ZNF160: variants seen among roughly 807,000 people sequenced by gnomAD.
ZNF160 encodes the protein KRAB zinc finger protein KR18.
In ZNF160, 9 loss-of-function variants were observed where a neutral mutation model predicts 13.1. The ratio of observed to expected loss-of-function variants is 0.69; its 90% CI spans 0.41 to 1.20. The LOEUF (loss-of-function observed/expected upper bound fraction) is 1.20, where lower values mean the gene tolerates loss of function less well. Among genes scored for constraint, ZNF160 ranks in the 50% most tolerant of loss-of-function variants. ZNF160 has a pLI of 0.01. For missense variants in ZNF160, 838 were observed against 988.0 expected, an observed-to-expected ratio of 0.85 and a Z score of 2.04; for synonymous variants, 293 against 333.2, an observed-to-expected ratio of 0.88 and a Z score of 1.31.
intron 1 of ZNF160, among the ~76,000 whole-genome samples, chr19:53,102,443 C>T (rs1318846453): frequency 6.6e-6 from 1 of 152,196 alleles, no homozygotes; most frequent in African/African-American, 2.4e-5. Context: ...TCCTCTCCCC[C>T]ACTCTCTGTC....
intron 1 of ZNF160, among the ~76,000 whole-genome samples, chr19:53,092,272 G>A (rs2085063236): frequency 6.6e-6 from 1 of 151,860 alleles, no homozygotes; most frequent in Admixed American, 6.6e-5. Flanking sequence ...TCACCTCAAG[G>A]GTAATTAATT....
intron 1 of ZNF160, among the ~76,000 whole-genome samples, chr19:53,094,318 A>G (rs574573417): frequency 6.6e-6 from 1 of 152,248 alleles, no homozygotes; most frequent in Non-Finnish European, 1.5e-5. Context: ...TGCCTGGCAA[A>G]TAGAAATGGA....
At chr19:53,085,893 T>A (rs1272165595) in intron 3 of ZNF160, 16 of 720,586 alleles carry the variant, frequency 2.2e-5, no homozygotes, top group Non-Finnish European at 3.0e-5. Flanking sequence ...CAGGTACGTG[T>A]GCACCTGACT....
intron 1 of ZNF160, among the ~76,000 whole-genome samples, chr19:53,092,608 T>C (rs995403457): frequency 3.3e-5 from 5 of 152,134 alleles, no homozygotes; most frequent in African/African-American, 9.7e-5. Context: ...GCTACCATGC[T>C]GGCTGGATAT....
At chr19:53,101,813 G>A (rs4803049) in intron 1 of ZNF160, among the ~76,000 whole-genome samples, 133,089 of 152,276 alleles carry the variant, frequency 0.87, 58,241 homozygotes, top group Middle Eastern at 0.94. Context: ...TGCCATAATT[G>A]TAAAATGCAC....
At chr19:53,077,653 A>G (rs1240375716) in intron 3 of ZNF160, among the ~76,000 whole-genome samples, 1 of 135,500 alleles carries the variant, frequency 7.4e-6, no homozygotes, top group Non-Finnish European at 1.6e-5. Context: ...TGGGTGACAG[A>G]GTGAGACTCC....
intron 1 of ZNF160, among the ~76,000 whole-genome samples, chr19:53,097,220 T>G (rs2085270520): frequency 8.1e-6 from 1 of 123,182 alleles, no homozygotes; most frequent in Non-Finnish European, 1.7e-5. Flanking sequence ...ACAGTCCCAG[T>G]GGAAGCCTTT....
At chr19:53,073,968 T>C (rs1163276206) in intron 5 of ZNF160, among the ~76,000 whole-genome samples, 172 bp downstream of exon 5, 2 of 152,022 alleles carry the variant, frequency 1.3e-5, no homozygotes, top group Non-Finnish European at 2.9e-5. Flanking sequence ...TTTTGTATTT[T>C]TAGTAGAGAT....
intron 3 of ZNF160, among the ~76,000 whole-genome samples, chr19:53,077,931 A>T (rs2084463976): frequency 6.6e-6 from 1 of 152,082 alleles, no homozygotes; most frequent in African/African-American, 2.4e-5. Flanking sequence ...TAGAGCTGAA[A>T]AACATAACTG....
intron 3 of ZNF160, among the ~76,000 whole-genome samples, chr19:53,082,920 A>C (rs1333603923): frequency 6.6e-6 from 1 of 151,924 alleles, no homozygotes; most frequent in Non-Finnish European, 1.5e-5. Context: ...GGTTCCTGTA[A>C]CTCCCTCATT....
intron 5 of ZNF160, chr19:53,073,357 G>A (rs759190232): frequency 2.5e-5 from 40 of 1,598,166 alleles, no homozygotes; most frequent in South Asian, 3.3e-5. Flanking sequence ...GAACCCACTC[G>A]CTTATCACAC....
intron 1 of ZNF160, among the ~76,000 whole-genome samples, chr19:53,096,060 T>C (rs1440540463): frequency 6.6e-6 from 1 of 151,922 alleles, no homozygotes; most frequent in Non-Finnish European, 1.5e-5. Context: ...CTACTAAAAA[T>C]ACAAAAAAAT....
chr19:53,102,899 C>A (rs1011857773), intron 1 of ZNF160, among the ~76,000 whole-genome samples: 1 of 151,984 alleles, frequency 6.6e-6, no homozygotes, highest in South Asian at 2.1e-4. Flanking sequence ...CAGCAGGGCC[C>A]GGCACGAGGA....
At chr19:53,102,985 G>A (rs1179229181) in intron 1 of ZNF160, among the ~76,000 whole-genome samples, 1 of 152,176 alleles carries the variant, frequency 6.6e-6, no homozygotes, top group Admixed American at 6.5e-5. Context: ...CGGAGGCGCG[G>A]CCTCCCCGGG....
intron 5 of ZNF160, among the ~76,000 whole-genome samples, chr19:53,070,652 G>A (rs967303252): frequency 1.3e-5 from 2 of 152,150 alleles, no homozygotes; most frequent in African/African-American, 2.4e-5. Context: ...TTGACCTCAT[G>A]AGCCGCCTGC....
In ZNF160 at chr19:53,074,254, C is replaced by G; in HGVS notation, c.157G>C (p.Asp53His). The G allele has an allele frequency of 6.2e-7, 1 of 1,614,034 alleles. No individual in the cohort carries two copies. Among genetic ancestry groups the G allele is most frequent in the Middle Eastern group, 1.6e-4 (1 of 6,062 alleles). ...TCCAACATGGAGATAATATTCATAT[C>G]AAAATGACACAGTCCTGTTTATAAA... The part of the protein sequence containing the change: ...NLVSLGLCHF[D>H]MNIISMLEEG... Residue 53 changes from aspartate (D) to histidine (H), a missense_variant, in exon 5 of 6, where the codon GAT becomes CAT. Physicochemically the swap from Asp to His is moderately conservative, Grantham distance 81 (BLOSUM62 -1). Transcript: ENST00000683776.
intron 1 of ZNF160, among the ~76,000 whole-genome samples, chr19:53,101,910 A>C (rs933921505): frequency 8.4e-6 from 1 of 118,504 alleles, no homozygotes; most frequent in South Asian, 2.6e-4. Context: ...ACACATTATA[A>C]ATAGAGAAAT....
intron 5 of ZNF160, among the ~76,000 whole-genome samples, chr19:53,070,931 C>T (rs1365303420): frequency 1.3e-5 from 2 of 151,990 alleles, no homozygotes; most frequent in African/African-American, 2.4e-5. Context: ...GGTGTGGTGG[C>T]TTATGCCTGT....
At position 53,067,922 on chromosome 19, in the gene ZNF160, T is replaced by TA; in HGVS notation, c.*154_*155insT. The TA allele has an allele frequency of 1.6e-5, 17 of 1,056,178 alleles. No homozygotes were observed. Among genetic ancestry groups the TA allele is most frequent in the Non-Finnish European group, 2.3e-5 (17 of 743,220 alleles). 65.4% of individuals were successfully genotyped at this position (1,056,178 alleles called of 1,614,324 possible). A position where few individuals can be genotyped will look rare whatever the true frequency, so the allele number is the denominator to read the frequency against. On this transcript the variant is annotated 3_prime_UTR_variant, in exon 6 of 6. Transcript: ENST00000683776. ...GCCTGGATAGACCCTCTGCCACATA[T>TA]GTTTACATGATGTCTCTTGCTTATG...
Sources: gnomAD v4.1 joint callset for allele counts (sites outside exome capture counted in the v4.1 genomes callset) on GRCh38, gnomAD v4.1.1 for gene constraint, MANE v1.5 for transcripts, NCBI Gene and HGNC (gene_info 2026-07-23, HGNC 2026-07-21) for gene names.